The following CWC27 variants were observed in gnomAD, a reference collection of about 807,000 sequenced individuals.
CWC27 encodes spliceosome-associated protein CWC27 homolog.
In CWC27, 47 loss-of-function variants were observed where a neutral mutation model predicts 63.6. The observed-to-expected ratio is 0.74, with a 90% confidence interval of 0.58 to 0.94. CWC27 has a LOEUF of 0.94. Among genes scored for constraint, CWC27 ranks in the 40% least tolerant of loss-of-function variants. The probability of loss-of-function intolerance (pLI) is 0.00; values close to 1 mark genes in which losing one functional copy is unlikely to be tolerated. For missense variants in CWC27, 495 were observed against 554.3 expected, an observed-to-expected ratio of 0.89 and a Z score of 1.07; for synonymous variants, 175 against 179.8, an observed-to-expected ratio of 0.97 and a Z score of 0.22.
chr5:64,827,115 A>C (rs1232310944), intron 10 of CWC27, among the ~76,000 whole-genome samples: 1 of 152,200 alleles, frequency 6.6e-6, no homozygotes, highest in East Asian at 1.9e-4. Flanking sequence ...TTTCCTTAGA[A>C]GATTCCCCCA....
chr5:64,889,555 TAACAG>T (rs1747170829), intron 11 of CWC27, among the ~76,000 whole-genome samples: 1 of 152,190 alleles, frequency 6.6e-6, no homozygotes, highest in African/African-American at 2.4e-5. Flanking sequence ...TAAGGAAAGT[TAACAG>T]AAAAATACTT....
At chr5:64,819,402 A>G (rs543243759) in intron 10 of CWC27, among the ~76,000 whole-genome samples, 235 of 152,192 alleles carry the variant, frequency 1.5e-3, no homozygotes, top group African/African-American at 5.3e-3. Flanking sequence ...TGGTTTGGCT[A>G]TGTCCCCACC....
chr5:65,008,374 G>C (rs773913723), intron 13 of CWC27, among the ~76,000 whole-genome samples: 1 of 152,196 alleles, frequency 6.6e-6, no homozygotes, highest in Admixed American at 6.5e-5. Context: ...CAGTCAGATA[G>C]ATGCCTAAGT....
intron 11 of CWC27, among the ~76,000 whole-genome samples, chr5:64,917,086 C>T (rs1747903852): frequency 6.6e-6 from 1 of 152,116 alleles, no homozygotes; most frequent in Non-Finnish European, 1.5e-5. Context: ...TCCCCATGTA[C>T]CTATAAGGCT....
chr5:64,825,009 G>C lies in CWC27; in HGVS notation c.938+20623G>C, dbSNP rs569594983. Among the ~76,000 whole-genome samples the C allele has an allele frequency of 3.9e-5, 6 of 152,190 alleles. No homozygotes were observed. In the East Asian group the frequency reaches 1.2e-3, roughly 29 times the overall value. On this transcript the variant is annotated intron_variant, in intron 10 of 13. Coordinates refer to ENST00000381070, the MANE Select transcript of CWC27 (RefSeq NM_005869.4). ...GGCCTCCCAAAGTGCTAGGATTACA[G>C]ACATGAGCCACCGCACCCGGCCAGT...
At chr5:65,016,561 C>T (rs1469276959) in intron 13 of CWC27, among the ~76,000 whole-genome samples, 8 of 152,048 alleles carry the variant, frequency 5.3e-5, no homozygotes, top group Non-Finnish European at 1.0e-4. Flanking sequence ...CCATATATAT[C>T]ATTTCTACTT....
intron 13 of CWC27, among the ~76,000 whole-genome samples, chr5:64,999,990 C>T (rs1749703562): frequency 1.3e-5 from 2 of 152,162 alleles, no homozygotes; most frequent in African/African-American, 2.4e-5. Flanking sequence ...GCATCCTCAC[C>T]AGCATTCGTT....
In CWC27 at chr5:64,784,025, A is replaced by G. The variant is rs781331210; in HGVS notation, c.396+46A>G. The G allele has an allele frequency of 6.7e-6, 10 of 1,490,004 alleles. No individual in the cohort carries two copies. In the Admixed American group the frequency reaches 1.4e-4, roughly 21 times the overall value. The allele number at this position is 1,490,004 out of a possible 1,614,324, so 92.3% of individuals were successfully genotyped here. A position where few individuals can be genotyped will look rare whatever the true frequency, so the allele number is the denominator to read the frequency against. On this transcript the variant is annotated intron_variant, in intron 4 of 13. Coordinates refer to ENST00000381070, the MANE Select transcript of CWC27 (RefSeq NM_005869.4). ...AACCTGTGGTTCAGTTTTTGGTTTT[A>G]TGTTATTCCTTAGACTTCTAAGATA... is the stretch of plus-strand genomic sequence containing the variant.
chr5:64,816,204 G>A (rs1406097973), intron 10 of CWC27, among the ~76,000 whole-genome samples: 1 of 152,140 alleles, frequency 6.6e-6, no homozygotes, highest in Non-Finnish European at 1.5e-5. Context: ...ATTTGGGAGA[G>A]AGAATCTTAT....
At chr5:64,817,186 T>C (rs1294994966) in intron 10 of CWC27, among the ~76,000 whole-genome samples, 1 of 152,178 alleles carries the variant, frequency 6.6e-6, no homozygotes, top group East Asian at 1.9e-4. Context: ...TCTGCACTTC[T>C]AGTTACCTCA....
At chr5:64,772,122 A>G (rs1266648570) in intron 1 of CWC27, among the ~76,000 whole-genome samples, 1 of 152,176 alleles carries the variant, frequency 6.6e-6, no homozygotes, top group African/African-American at 2.4e-5. Flanking sequence ...AAGCTAGTAA[A>G]TGGAAGGGCC....
At chr5:64,806,773 T>G (rs1744689624) in intron 10 of CWC27, among the ~76,000 whole-genome samples, 1 of 152,060 alleles carries the variant, frequency 6.6e-6, no homozygotes, top group African/African-American at 2.4e-5. Flanking sequence ...GCCTAGGAGC[T>G]CTAGGCTGCA....
intron 13 of CWC27, among the ~76,000 whole-genome samples, chr5:64,986,926 T>C (rs1165854104): frequency 1.3e-5 from 2 of 152,186 alleles, no homozygotes; most frequent in Non-Finnish European, 2.9e-5. Context: ...ATCATTTTTT[T>C]CCAGTTTGTT....
chr5:64,789,100 A>G (rs1743987669), intron 7 of CWC27, 80 bp downstream of exon 7: 3 of 898,020 alleles, frequency 3.3e-6, no homozygotes, highest in African/African-American at 3.4e-5. Context: ...ATCTCCTGCT[A>G]TATCTGGCAC....
intron 11 of CWC27, among the ~76,000 whole-genome samples, chr5:64,943,152 G>GAA (rs200436933): frequency 6.6e-6 from 1 of 151,486 alleles, no homozygotes; most frequent in African/African-American, 2.4e-5. Flanking sequence ...ACTCCTAGGT[G>GAA]AAAAAAAAGA....
At chr5:64,913,816 C>G (rs919580993) in intron 11 of CWC27, among the ~76,000 whole-genome samples, 16 of 152,016 alleles carry the variant, frequency 1.1e-4, no homozygotes, top group Non-Finnish European at 5.9e-5. Context: ...CAAAATCTAA[C>G]AGGTTCTATA....
chr5:64,809,343 T>C (rs918704715), intron 10 of CWC27, among the ~76,000 whole-genome samples: 1 of 152,164 alleles, frequency 6.6e-6, no homozygotes, highest in Non-Finnish European at 1.5e-5. Context: ...ACATTAACTG[T>C]GGTAAGCATG....
At chr5:64,976,536 A>T (rs1749231211) in intron 12 of CWC27, among the ~76,000 whole-genome samples, 1 of 151,420 alleles carries the variant, frequency 6.6e-6, no homozygotes, top group South Asian at 2.1e-4. Context: ...ATTTTATTTT[A>T]TTTATTTATT....
chr5:65,000,294 C>T (rs1749709628), intron 13 of CWC27, among the ~76,000 whole-genome samples: 1 of 152,006 alleles, frequency 6.6e-6, no homozygotes, highest in African/African-American at 2.4e-5. Context: ...TGTCTCTTTA[C>T]TCTGTTGGTC....
Sources: gnomAD v4.1 joint callset for allele counts (sites outside exome capture counted in the v4.1 genomes callset) on GRCh38, gnomAD v4.1.1 for gene constraint, MANE v1.5 for transcripts, NCBI Gene and HGNC (gene_info 2026-07-23, HGNC 2026-07-21) for gene names.